Variants in BATF observed in about 807,000 individuals in gnomAD.
BATF encodes the protein basic leucine zipper transcriptional factor ATF-like.
In BATF, 5 loss-of-function variants were observed where a neutral mutation model predicts 13.7. That is an observed-to-expected ratio of 0.36 (90% CI 0.19 to 0.77). BATF has a LOEUF of 0.77. Ranked by LOEUF, BATF falls within the 30% of genes least tolerant of loss-of-function variation. BATF has a pLI of 0.51. For synonymous variants in BATF, 72 were observed against 67.5 expected (o/e 1.07, Z -0.33); for missense variants, 124 against 163.0 (o/e 0.76, Z 1.30).
chr14:75,526,404 T>A (rs1268335821), intron 2 of BATF, among the ~76,000 whole-genome samples: 1 of 152,218 alleles, frequency 6.6e-6, no homozygotes, highest in African/African-American at 2.4e-5. Context: ...AAAGTGCAAT[T>A]GGCACCAAAA....
At chr14:75,533,427 C>CAAAAAA (rs888084841) in intron 2 of BATF, among the ~76,000 whole-genome samples, 1 of 63,894 alleles carries the variant, frequency 1.6e-5, no homozygotes, top group Non-Finnish European at 3.3e-5. Flanking sequence ...GACTCCGTCT[C>CAAAAAA]AAAAAAAAAA....
intron 2 of BATF, among the ~76,000 whole-genome samples, chr14:75,525,518 G>A (rs1198412636): frequency 6.6e-6 from 1 of 151,942 alleles, no homozygotes; most frequent in African/African-American, 2.4e-5. Flanking sequence ...CAAAAAATTA[G>A]CCAGGCATGG....
intron 2 of BATF, among the ~76,000 whole-genome samples, chr14:75,526,507 G>A (rs943942891): frequency 3.3e-5 from 5 of 152,234 alleles, no homozygotes; most frequent in African/African-American, 1.2e-4. Flanking sequence ...TAAGTAAGAT[G>A]TAGTTTTAGG....
At chr14:75,530,652 T>C (rs1333423225) in intron 2 of BATF, among the ~76,000 whole-genome samples, 1 of 152,192 alleles carries the variant, frequency 6.6e-6, no homozygotes, top group Non-Finnish European at 1.5e-5. Flanking sequence ...CATTAGTTTT[T>C]TAATTTAATG....
chr14:75,530,154 A>T (rs1346611307), intron 2 of BATF, among the ~76,000 whole-genome samples: 1 of 152,202 alleles, frequency 6.6e-6, no homozygotes, highest in Non-Finnish European at 1.5e-5. Flanking sequence ...AAATGTGTGA[A>T]AAGATGGTAG....
chr14:75,526,149 G>C (rs888194120), intron 2 of BATF, among the ~76,000 whole-genome samples: 1 of 152,218 alleles, frequency 6.6e-6, no homozygotes, highest in African/African-American at 2.4e-5. Flanking sequence ...CAGTGGCCAA[G>C]GCCCTAGATG....
chr14:75,546,582 G>A lies in BATF; in HGVS notation c.289G>A (p.Ala97Thr). Residue 97 changes from alanine to threonine, a missense_variant, in exon 3 of 3, where the codon GCC becomes ACC. This residue lies in a region of BATF where 59 missense variants were observed against 49.7 expected (regional missense o/e 1.19). Transcript: ENST00000286639. ...NSHEPLCSVL[A>T]ASTPSPPEVV... ...CCACGAGCCCCTGTGCTCGGTGCTG[G>A]CCGCCAGCACGCCCTCGCCCCCCGA... 1 of 1,614,076 alleles carries A rather than the reference G, an allele frequency of 6.2e-7. No homozygotes were observed. Among genetic ancestry groups the A allele is most frequent in the Non-Finnish European group, 8.5e-7 (1 of 1,179,988 alleles).
intron 1 of BATF, among the ~76,000 whole-genome samples, chr14:75,523,223 A>AG (rs1391377982): frequency 7.4e-6 from 1 of 135,594 alleles, no homozygotes; most frequent in African/African-American, 2.7e-5. Context: ...AAAAAAAAAA[A>AG]GAAGAAGAAG....
intron 2 of BATF, among the ~76,000 whole-genome samples, chr14:75,540,736 A>G (rs1475474339): frequency 6.6e-6 from 1 of 151,920 alleles, no homozygotes; most frequent in Non-Finnish European, 1.5e-5. Flanking sequence ...TATCAAATGT[A>G]ATGATAACCA....
chr14:75,533,694 C>T (rs1248012645), intron 2 of BATF, among the ~76,000 whole-genome samples: 1 of 152,130 alleles, frequency 6.6e-6, no homozygotes, highest in African/African-American at 2.4e-5. Flanking sequence ...AAGGCCCCTT[C>T]AGATTGTGGG....
At chr14:75,537,757 C>T (rs979465903) in intron 2 of BATF, among the ~76,000 whole-genome samples, 12 of 151,124 alleles carry the variant, frequency 7.9e-5, no homozygotes, top group Non-Finnish European at 1.6e-4. Flanking sequence ...AAATAGTCTC[C>T]CAACTCTTTA....
intron 2 of BATF, among the ~76,000 whole-genome samples, chr14:75,539,604 G>A (rs1382568707): frequency 6.6e-6 from 1 of 151,970 alleles, no homozygotes; most frequent in Non-Finnish European, 1.5e-5. Context: ...TTTTCACCCT[G>A]TGACTAGACA....
chr14:75,531,273 A>G (rs1033673772), intron 2 of BATF, among the ~76,000 whole-genome samples: 1 of 152,200 alleles, frequency 6.6e-6, no homozygotes, highest in Non-Finnish European at 1.5e-5. Flanking sequence ...TTGTGTAGCC[A>G]TCTTGGTTGG....
intron 2 of BATF, among the ~76,000 whole-genome samples, chr14:75,532,502 A>G (rs140258617): frequency 0.013 from 1,985 of 152,354 alleles, 12 homozygotes; most frequent in Middle Eastern, 0.037. Flanking sequence ...CAATATGTCA[A>G]TTGAAATCTT....
chr14:75,545,388 ATT>A (rs35791450), intron 2 of BATF, among the ~76,000 whole-genome samples: 92 of 105,194 alleles, frequency 8.7e-4, no homozygotes, highest in African/African-American at 3.0e-3. Flanking sequence ...CGCCTGGTTA[ATT>A]TTTTTTTTTT....
chr14:75,533,779 C>T (rs1391819731), intron 2 of BATF, among the ~76,000 whole-genome samples: 1 of 152,124 alleles, frequency 6.6e-6, no homozygotes, highest in Non-Finnish European at 1.5e-5. Context: ...AGTCATACTA[C>T]CTTGTTGATA....
intron 1 of BATF, among the ~76,000 whole-genome samples, chr14:75,524,053 G>A (rs1363000639): frequency 6.6e-6 from 1 of 152,166 alleles, no homozygotes; most frequent in Non-Finnish European, 1.5e-5. Context: ...GGTGAGCCCA[G>A]TACTTAGTGA....
intron 2 of BATF, among the ~76,000 whole-genome samples, chr14:75,532,489 A>G (rs1887749962): frequency 6.6e-6 from 1 of 152,214 alleles, no homozygotes; most frequent in Non-Finnish European, 1.5e-5. Flanking sequence ...ATATCAAATG[A>G]TACAATATGT....
chr14:75,543,340 G>A (rs1040474238), intron 2 of BATF, among the ~76,000 whole-genome samples: 1 of 152,164 alleles, frequency 6.6e-6, no homozygotes, highest in African/African-American at 2.4e-5. Flanking sequence ...TTCTAGCTCA[G>A]AGCCCCATTC....
Sources: gnomAD v4.1 joint callset for allele counts (sites outside exome capture counted in the v4.1 genomes callset) on GRCh38, gnomAD v4.1.1 for gene constraint, gnomAD v4.1.1 regional missense constraint, MANE v1.5 for transcripts, NCBI Gene and HGNC (gene_info 2026-07-23, HGNC 2026-07-21) for gene names.